The following UBE2G1 variants were observed in gnomAD, a reference collection of about 807,000 sequenced individuals.
The protein encoded by UBE2G1 is ubiquitin-conjugating enzyme E2 G1.
In UBE2G1, 5 loss-of-function variants were observed where a neutral mutation model predicts 22.7. That is an observed-to-expected ratio of 0.22 (90% CI 0.12 to 0.46). The LOEUF is 0.46. Ranked by LOEUF, UBE2G1 falls within the 20% of genes least tolerant of loss-of-function variation. UBE2G1 has a pLI of 0.99. For synonymous variants in UBE2G1, 74 were observed against 67.5 expected (o/e 1.10, Z -0.47); for missense variants, 88 against 203.9 (o/e 0.43, Z 3.46).
intron 1 of UBE2G1, among the ~76,000 whole-genome samples, chr17:4,326,137 T>C (rs1210093427): frequency 3.3e-5 from 5 of 151,904 alleles, no homozygotes; most frequent in African/African-American, 7.2e-5. Context: ...TTTAAAACTT[T>C]AGTTCATCAA....
intron 1 of UBE2G1, among the ~76,000 whole-genome samples, chr17:4,307,683 CAT>C (rs1331449780): frequency 4.6e-5 from 7 of 152,182 alleles, no homozygotes; most frequent in African/African-American, 1.7e-4. Context: ...GCAGGGGCCC[CAT>C]ATGTCTTGTC....
chr17:4,325,733 A>C (rs1363734082), intron 1 of UBE2G1, among the ~76,000 whole-genome samples: 1 of 152,240 alleles, frequency 6.6e-6, no homozygotes, highest in African/African-American at 2.4e-5. Flanking sequence ...AAACGACAAT[A>C]ATCAAAACAC....
At chr17:4,291,078 G>C (rs1454987322) in intron 3 of UBE2G1, among the ~76,000 whole-genome samples, 1 of 152,136 alleles carries the variant, frequency 6.6e-6, no homozygotes, top group Non-Finnish European at 1.5e-5. Flanking sequence ...ATAACACCGA[G>C]GGCCGGGCGT....
rs1406567558 is a variant in UBE2G1 at position 4,269,996 on chromosome 17, A to AGAT, written c.*2555_*2557dup. On this transcript the variant is annotated 3_prime_UTR_variant, in exon 6 of 6. Transcript: ENST00000396981. ...ATCAGATGAACACTGAGAAAGGCACAGATGACATCTCCGACAGAGGAAGGG... is the reference window on the plus strand; with the variant it reads ...ATCAGATGAACACTGAGAAAGGCACAGATGATGACATCTCCGACAGAGGAAGGG... 1.3e-5 allele frequency: 2 copies of AGAT among 152,656 alleles called. No individual in the cohort carries two copies. Among genetic ancestry groups the AGAT allele is most frequent in the East Asian group, 3.9e-4 (2 of 5,190 alleles). 9.5% of individuals were successfully genotyped at this position (152,656 alleles called of 1,614,324 possible). A position where few individuals can be genotyped will look rare whatever the true frequency, so the allele number is the denominator to read the frequency against.
intron 1 of UBE2G1, among the ~76,000 whole-genome samples, chr17:4,348,426 GCC>G (rs1182923736): frequency 6.7e-6 from 1 of 148,908 alleles, no homozygotes; most frequent in Non-Finnish European, 1.5e-5. Flanking sequence ...AGTGGCGGGC[GCC>G]TGTAGTCCCA....
chr17:4,333,430 A>G (rs1969605638), intron 1 of UBE2G1, among the ~76,000 whole-genome samples: 1 of 152,132 alleles, frequency 6.6e-6, no homozygotes, highest in Non-Finnish European at 1.5e-5. Flanking sequence ...TGATCCCAGC[A>G]CTTGGGAGGT....
intron 4 of UBE2G1, among the ~76,000 whole-genome samples, chr17:4,284,340 T>C (rs532420656): frequency 6.6e-6 from 1 of 152,124 alleles, no homozygotes; most frequent in East Asian, 1.9e-4. Flanking sequence ...GGCTCACATC[T>C]GTAATCTCAG....
chr17:4,312,840 TA>T (rs540653982), intron 1 of UBE2G1, among the ~76,000 whole-genome samples: 28 of 147,100 alleles, frequency 1.9e-4, no homozygotes, highest in South Asian at 4.3e-4. Context: ...TGGATTCAAT[TA>T]AAAAAAAAAG....
intron 1 of UBE2G1, among the ~76,000 whole-genome samples, chr17:4,327,330 T>G (rs1328645867): frequency 6.6e-6 from 1 of 151,092 alleles, no homozygotes; most frequent in Non-Finnish European, 1.5e-5. Context: ...ATAGCCGTAG[T>G]GGCGTAGTGG....
intron 1 of UBE2G1, among the ~76,000 whole-genome samples, chr17:4,352,783 T>C (rs546150773): frequency 6.6e-6 from 1 of 152,228 alleles, no homozygotes; most frequent in South Asian, 2.1e-4. Flanking sequence ...TTCAAAAATA[T>C]TTTGTATGAG....
intron 5 of UBE2G1, among the ~76,000 whole-genome samples, chr17:4,278,196 G>A (rs774037355): frequency 1.3e-5 from 2 of 152,204 alleles, no homozygotes; most frequent in Non-Finnish European, 2.9e-5. Flanking sequence ...CACCGCGCCC[G>A]GCCTAAGGAA....
intron 1 of UBE2G1, among the ~76,000 whole-genome samples, chr17:4,310,874 T>C (rs1969302469): frequency 6.6e-6 from 1 of 152,134 alleles, no homozygotes; most frequent in East Asian, 1.9e-4. Context: ...TCAATCAACC[T>C]AACCTGGTGA....
chr17:4,284,993 A>G (rs1274051015), intron 4 of UBE2G1, among the ~76,000 whole-genome samples: 1 of 151,722 alleles, frequency 6.6e-6, no homozygotes, highest in Non-Finnish European at 1.5e-5. Flanking sequence ...CAACATGTGC[A>G]CATCACCACA....
At chr17:4,325,698 T>C (rs115657977) in intron 1 of UBE2G1, among the ~76,000 whole-genome samples, 1,828 of 152,282 alleles carry the variant, frequency 0.012, 36 homozygotes, top group African/African-American at 0.042. Flanking sequence ...AGAACTCACA[T>C]GTCCTGATTC....
intron 4 of UBE2G1, among the ~76,000 whole-genome samples, chr17:4,285,709 T>C (rs1230145497): frequency 2.0e-5 from 3 of 152,062 alleles, no homozygotes; most frequent in African/African-American, 4.8e-5. Context: ...CCCAGCACTT[T>C]GGGAGGCCGA....
intron 1 of UBE2G1, 88 bp from the exon 2 acceptor site, chr17:4,307,211 T>C (rs1969258227): frequency 8.6e-7 from 1 of 1,162,138 alleles, no homozygotes; most frequent in Admixed American, 1.9e-5. Context: ...GTACATGTTT[T>C]ATGTAAGTTT....
chr17:4,326,462 T>C (rs770315523), intron 1 of UBE2G1, among the ~76,000 whole-genome samples: 1 of 152,164 alleles, frequency 6.6e-6, no homozygotes, highest in Non-Finnish European at 1.5e-5. Flanking sequence ...GTAGAGAAAT[T>C]AGAACCCCAT....
chr17:4,335,855 A>C (rs1429381428), intron 1 of UBE2G1, among the ~76,000 whole-genome samples: 1 of 152,170 alleles, frequency 6.6e-6, no homozygotes, highest in Non-Finnish European at 1.5e-5. Context: ...GTTTAAAGGA[A>C]GAAAACCAAG....
chr17:4,278,735 G>A (rs1968849606), intron 5 of UBE2G1, among the ~76,000 whole-genome samples: 1 of 152,122 alleles, frequency 6.6e-6, no homozygotes, highest in Admixed American at 6.5e-5. Flanking sequence ...TTTAAAAGAT[G>A]GTGAAAATAG....
Sources: gnomAD v4.1 joint callset for allele counts (sites outside exome capture counted in the v4.1 genomes callset) on GRCh38, gnomAD v4.1.1 for gene constraint, MANE v1.5 for transcripts, NCBI Gene and HGNC (gene_info 2026-07-23, HGNC 2026-07-21) for gene names.